Variants in C5 observed in about 807,000 individuals in gnomAD.
C5 encodes C3 and PZP-like alpha-2-macroglobulin domain-containing protein 4.
C5 carries 140 observed loss-of-function variants against 218.8 expected under a neutral mutation model. The observed-to-expected ratio is 0.64, with a 90% CI of 0.56 to 0.74. C5 has a LOEUF of 0.74. Ranked by LOEUF, C5 falls within the 30% of genes least tolerant of loss-of-function variation. The pLI is 0.00. For missense variants in C5, 1,700 were observed against 1,969.6 expected (o/e 0.86, Z 2.59); for synonymous variants, 614 against 682.3 (o/e 0.90, Z 1.56).
chr9:120,994,092 G>A (rs1303471113), intron 22 of C5, among the ~76,000 whole-genome samples: 1 of 152,112 alleles, frequency 6.6e-6, no homozygotes, highest in Non-Finnish European at 1.5e-5. Flanking sequence ...TAAGCATTGA[G>A]TCTCTGTGTT....
the C5 span, among the ~76,000 whole-genome samples, chr9:121,064,561 C>A: frequency 8.5e-5 from 13 of 152,214 alleles, no homozygotes; most frequent in East Asian, 2.5e-3. Flanking sequence ...CAAATGTTAG[C>A]AATTTTTATA....
the C5 span, among the ~76,000 whole-genome samples, chr9:121,061,646 A>G: frequency 0.066 from 9,996 of 152,368 alleles, 407 homozygotes; most frequent in East Asian, 0.19. Context: ...AGGGAAATTA[A>G]TAACTTTAAT....
intron 39 of C5, among the ~76,000 whole-genome samples, chr9:120,955,225 GT>G (rs1187134492): frequency 1.3e-5 from 2 of 152,044 alleles, no homozygotes; most frequent in Non-Finnish European, 1.5e-5. Flanking sequence ...CAAAATTTAT[GT>G]GTTAAAAATG....
At chr9:121,006,318 C>T (rs1487864360) in intron 19 of C5, among the ~76,000 whole-genome samples, 2 of 152,114 alleles carry the variant, frequency 1.3e-5, no homozygotes, top group East Asian at 3.8e-4. Context: ...TATCAACTAA[C>T]ACACCAAATC....
chr9:121,004,367 A>G (rs2047198108), intron 20 of C5, among the ~76,000 whole-genome samples: 2 of 152,212 alleles, frequency 1.3e-5, no homozygotes, highest in African/African-American at 4.8e-5. Context: ...TCATTAAAGT[A>G]TAATAAGGTG....
intron 28 of C5, among the ~76,000 whole-genome samples, chr9:120,978,489 T>G (rs985259182): frequency 5.3e-5 from 8 of 152,252 alleles, no homozygotes; most frequent in Non-Finnish European, 1.0e-4. Context: ...TATGATTTTA[T>G]GACCCATATC....
At chr9:121,073,705 C>G in the C5 span, among the ~76,000 whole-genome samples, 1 of 151,704 alleles carries the variant, frequency 6.6e-6, no homozygotes, top group Non-Finnish European at 1.5e-5. Flanking sequence ...GTAGAGACGG[C>G]GTTTCACCTT....
chr9:120,969,443 G>T (rs1376339252), intron 32 of C5, among the ~76,000 whole-genome samples: 1 of 152,206 alleles, frequency 6.6e-6, no homozygotes, highest in East Asian at 1.9e-4. Flanking sequence ...TAATTTGCTG[G>T]TAGTTGGGAA....
Position 120,974,874 on chromosome 9 carries a change from G to A in C5, c.3922C>T (p.Arg1308Cys), listed in dbSNP as rs141543606. Residue 1308 changes from arginine (R) to cysteine (C), a missense_variant, in exon 30 of 41, where the codon CGC becomes TGC. Arg to Cys is a radical substitution (Grantham distance 180, BLOSUM62 -3). Coordinates refer to ENST00000223642, the MANE Select transcript of C5 (RefSeq NM_001735.3). ...TEYSLLVKQL[R>C]LSMDIDVSYK... ...GAAACATCGATGTCCATACTCAAGC[G>A]GAGTTGTTTAACCAGGAGTGAATAT... is the stretch of plus-strand genomic sequence containing the variant. 1.1e-5 allele frequency: 17 copies of A among 1,613,826 alleles called. No homozygotes were observed. Among genetic ancestry groups the A allele is most frequent in the Non-Finnish European group, 1.4e-5 (16 of 1,179,832 alleles).
At chr9:121,050,333 C>T (rs1279019627), upstream of C5, 3 of 1,097,574 alleles carry the variant, frequency 2.7e-6, no homozygotes, top group Admixed American at 3.4e-5. Flanking sequence ...TTCAGATAAT[C>T]TGGTTAATTA....
At chr9:120,977,727 G>A (rs2046963921) in intron 28 of C5, among the ~76,000 whole-genome samples, 1 of 152,192 alleles carries the variant, frequency 6.6e-6, no homozygotes, top group African/African-American at 2.4e-5. Flanking sequence ...GCCTCAATCT[G>A]TATTTTAAAA....
chr9:120,970,119 C>T (rs1190775915), intron 32 of C5, 51 bp downstream of exon 32: 7 of 1,241,698 alleles, frequency 5.6e-6, no homozygotes, highest in Non-Finnish European at 7.1e-6. Context: ...TCTATTTATA[C>T]ACATGCTTTA....
chr9:121,013,915 G>A lies in C5; in HGVS notation c.2215C>T (p.Arg739Cys), dbSNP rs770615766. 3 of 1,613,988 alleles carry A rather than the reference G, an allele frequency of 1.9e-6. No individual in the cohort carries two copies. Among genetic ancestry groups the A allele is most frequent in the East Asian group, 2.2e-5 (1 of 44,896 alleles). ...ATGTCTTTATGAGAGATATTAGCAC[G>A]GAGCTGGCTTGCGACGACACAACAT... ...TECCVVASQLRANISHKDMQL... is the reference protein window; with the variant it reads ...TECCVVASQLCANISHKDMQL... The change falls in exon 17 of 41, where the codon CGT becomes TGT. Residue 739 changes from arginine (R) to cysteine (C), a missense_variant. Physicochemically the swap from Arg to Cys is radical, Grantham distance 180 (BLOSUM62 -3). Transcript: ENST00000223642.
chr9:120,980,320 C>T (rs1487212918), intron 27 of C5, 66 bp from the exon 28 acceptor site: 18 of 1,353,024 alleles, frequency 1.3e-5, no homozygotes, highest in Non-Finnish European at 1.7e-5. Flanking sequence ...ATATGAACTA[C>T]CCTCAGATCC....
chr9:121,033,013 G>GTGTGT (rs1554724861), intron 5 of C5, among the ~76,000 whole-genome samples: 2,630 of 143,152 alleles, frequency 0.018, 46 homozygotes, highest in African/African-American at 0.052. Context: ...AAAAACTATG[G>GTGTGT]GTGTGTGTGT....
At chr9:121,065,934 A>G in the C5 span, among the ~76,000 whole-genome samples, 1 of 152,236 alleles carries the variant, frequency 6.6e-6, no homozygotes, top group South Asian at 2.1e-4. Context: ...AAAGAACAGG[A>G]ATAAGTACAA....
At chr9:121,023,129 A>C (rs1211261145) in intron 10 of C5, among the ~76,000 whole-genome samples, 2 of 152,202 alleles carry the variant, frequency 1.3e-5, no homozygotes, top group African/African-American at 4.8e-5. Context: ...ATTTACATAT[A>C]ATTTAATGCT....
intron 10 of C5, among the ~76,000 whole-genome samples, chr9:121,022,647 A>T (rs72758178): frequency 1.3e-5 from 2 of 149,974 alleles, no homozygotes; most frequent in Non-Finnish European, 3.0e-5. Context: ...AACAAAAAAA[A>T]ATTTTGCTCT....
At chr9:120,953,578 T>C in intron 40 of C5, 152 bp downstream of exon 40, 1 of 854,670 alleles carries the variant, frequency 1.2e-6, no homozygotes, top group South Asian at 1.5e-5. Context: ...CACGATGGTT[T>C]TAAATCATTC....
Sources: gnomAD v4.1 joint callset for allele counts (sites outside exome capture counted in the v4.1 genomes callset) on GRCh38, gnomAD v4.1.1 for gene constraint, MANE v1.5 for transcripts, NCBI Gene and HGNC (gene_info 2026-07-23, HGNC 2026-07-21) for gene names.